Variants in GRID2 observed in about 807,000 individuals in gnomAD.
GRID2 encodes the protein glutamate receptor ionotropic, delta-2.
A neutral mutation model predicts 114.8 loss-of-function variants in GRID2; 33 were observed. The ratio of observed to expected loss-of-function variants is 0.29; its 90% CI spans 0.22 to 0.38. GRID2 has a LOEUF of 0.38. GRID2 is among the 10% of genes least tolerant of loss of function. The pLI, the probability that GRID2 is intolerant of heterozygous loss-of-function variation, is 1.00. For missense variants in GRID2, 1,184 were observed against 1,257.7 expected, an observed-to-expected ratio of 0.94 and a Z score of 0.89; for synonymous variants, 505 against 449.9, an observed-to-expected ratio of 1.12 and a Z score of -1.55.
rs10593127 is a variant in GRID2 at position 92,713,476 on chromosome 4, CATATATATATATATATATATATATAT to C, written c.244+123207_244+123232del. 3.0e-4 allele frequency among the ~76,000 whole-genome samples: 16 copies of C among 54,064 alleles called. No homozygotes were observed. In the South Asian group the frequency reaches 4.7e-3, roughly 16 times the overall value. 35.5% of individuals were successfully genotyped at this position (54,064 alleles called of 152,430 possible). ...TTACATATATTTACATATACATATACATATATATATATATATATATATATATATATATATATATATATTACCAAAAT... is the reference window on the plus strand; with the variant it reads ...TTACATATATTTACATATACATATACATATATATATATATATTACCAAAAT... On this transcript the variant is annotated intron_variant, in intron 2 of 15. Coordinates refer to ENST00000282020, the MANE Select transcript of GRID2 (RefSeq NM_001510.4).
chr4:93,564,081 C>CTA (rs1735177935), intron 13 of GRID2, among the ~76,000 whole-genome samples: 4 of 151,684 alleles, frequency 2.6e-5, no homozygotes, highest in Admixed American at 6.6e-5. Flanking sequence ...GAAACTTGGC[C>CTA]TCCTCAGTAC....
rs542646905 is a variant in GRID2, at chr4:93,310,794, G to T, written c.1245+72304G>T. ...TGGGGTCTGGGATCCAGGAGTTTAA[G>T]GTGGATTTTTCAAGGCAGACTTTTT... is the stretch of plus-strand genomic sequence containing the variant. On this transcript the variant is annotated intron_variant, in intron 8 of 15. Coordinates refer to ENST00000282020, the MANE Select transcript of GRID2 (RefSeq NM_001510.4). 1.6e-4 allele frequency among the ~76,000 whole-genome samples: 24 copies of T among 152,298 alleles called. No individual in the cohort carries two copies. In the South Asian group the frequency reaches 5.0e-3, roughly 32 times the overall value.
intron 1 of GRID2, among the ~76,000 whole-genome samples, chr4:92,400,487 A>G (rs113816861): frequency 0.021 from 3,179 of 152,088 alleles, 41 homozygotes; most frequent in South Asian, 0.044. Flanking sequence ...CCATACCACT[A>G]TTTGTTTATC....
chr4:92,493,970 GCAGA>G lies in GRID2; in HGVS notation c.89-96158_89-96155del, dbSNP rs1280970658. Among the ~76,000 whole-genome samples the G allele has an allele frequency of 9.2e-5, 14 of 152,176 alleles. No homozygotes were observed. In the South Asian group the frequency reaches 1.5e-3, roughly 16 times the overall value. On this transcript the variant is annotated intron_variant, in intron 1 of 15. Transcript: ENST00000282020. ...ATGATTTGAAGAAACAAAAAGAAAT[GCAGA>G]CAAAGACAATTAGTATTAGCTCCTT... is the stretch of plus-strand genomic sequence containing the variant.
intron 13 of GRID2, among the ~76,000 whole-genome samples, chr4:93,586,934 T>C (rs1737592695): frequency 6.6e-6 from 1 of 152,126 alleles, no homozygotes; most frequent in South Asian, 2.1e-4. Context: ...TACATTCAGG[T>C]TGTTAAAAAA....
chr4:93,772,322 T>C lies in GRID2; in HGVS notation c.2848T>C (p.Ser950Pro), dbSNP rs1176903991. The C allele has an allele frequency of 1.5e-5, 24 of 1,614,032 alleles. No homozygotes were observed. Among genetic ancestry groups the C allele is most frequent in the Non-Finnish European group, 2.0e-5 (24 of 1,180,028 alleles). Residue 950 changes from serine to proline, a missense_variant, in exon 16 of 16, where the codon TCT becomes CCT. Ser to Pro is a moderately conservative substitution (Grantham distance 74). Around this residue, in one of 3 missense-constraint regions of GRID2, gnomAD observed 717 missense variants for 796.9 expected, o/e 0.90. Transcript: ENST00000282020. ...LSRTLSAKAA[S>P]GFTFGNVPEH... ...CCGCACACTGTCAGCTAAAGCTGCT[T>C]CTGGTTTCACTTTTGGCAACGTGCC...
intron 1 of GRID2, among the ~76,000 whole-genome samples, chr4:92,483,529 C>A (rs1008362263): frequency 6.6e-6 from 1 of 151,994 alleles, no homozygotes; most frequent in Non-Finnish European, 1.5e-5. Flanking sequence ...ATAAAGCTCT[C>A]GTTACTGAAT....
chr4:93,592,786 G>A (rs1322436689), intron 13 of GRID2, among the ~76,000 whole-genome samples: 1 of 152,168 alleles, frequency 6.6e-6, no homozygotes, highest in Non-Finnish European at 1.5e-5. Flanking sequence ...TCTTCTTGTT[G>A]AATTGATGCC....
At chr4:92,905,447 A>G (rs1158494924) in intron 2 of GRID2, among the ~76,000 whole-genome samples, 2 of 151,568 alleles carry the variant, frequency 1.3e-5, no homozygotes, top group Non-Finnish European at 2.9e-5. Context: ...TACATTGTTT[A>G]AAAATTTACA....
intron 1 of GRID2, among the ~76,000 whole-genome samples, chr4:92,468,759 G>T (rs960408186): frequency 6.6e-6 from 1 of 152,050 alleles, no homozygotes; most frequent in East Asian, 1.9e-4. Context: ...AAGTTAGCAG[G>T]TATTCACTTA....
chr4:92,808,213 A>T (rs571332844), intron 2 of GRID2, among the ~76,000 whole-genome samples: 68 of 152,154 alleles, frequency 4.5e-4, no homozygotes, highest in African/African-American at 1.3e-3. Flanking sequence ...AGGAACACAC[A>T]GCAGAGTTGA....
chr4:93,011,612 G>T (rs1157999002), intron 2 of GRID2, among the ~76,000 whole-genome samples: 1 of 152,006 alleles, frequency 6.6e-6, no homozygotes, highest in East Asian at 1.9e-4. Context: ...TCAGGAAATG[G>T]GAAAAGAGAC....
At chr4:93,682,570 G>A (rs1405903006) in intron 14 of GRID2, among the ~76,000 whole-genome samples, 3 of 151,996 alleles carry the variant, frequency 2.0e-5, no homozygotes, top group African/African-American at 4.8e-5. Context: ...AGAAAATGTG[G>A]GACATATACA....
intron 2 of GRID2, among the ~76,000 whole-genome samples, chr4:92,999,254 T>C (rs1478135658): frequency 1.3e-5 from 2 of 151,896 alleles, no homozygotes; most frequent in African/African-American, 4.8e-5. Flanking sequence ...ACATTTGTAA[T>C]TGCACCATGT....
chr4:93,234,041 A>G (rs1265693934), intron 7 of GRID2, among the ~76,000 whole-genome samples: 1 of 152,130 alleles, frequency 6.6e-6, no homozygotes, highest in African/African-American at 2.4e-5. Flanking sequence ...TATCATTTAG[A>G]ATTTACAAAT....
At chr4:92,318,381 G>A (rs1287246943) in intron 1 of GRID2, among the ~76,000 whole-genome samples, 1 of 143,422 alleles carries the variant, frequency 7.0e-6, no homozygotes, top group African/African-American at 2.6e-5. Flanking sequence ...GACTGGTTCA[G>A]TTCACTTCCA....
At chr4:92,326,438 A>G (rs1018863654) in intron 1 of GRID2, among the ~76,000 whole-genome samples, 1 of 151,906 alleles carries the variant, frequency 6.6e-6, no homozygotes, top group African/African-American at 2.4e-5. Context: ...TGGTGCCACT[A>G]TCATGAATGT....
At chr4:93,533,627 T>C (rs1246952060) in intron 13 of GRID2, among the ~76,000 whole-genome samples, 1 of 147,876 alleles carries the variant, frequency 6.8e-6, no homozygotes, top group Admixed American at 6.9e-5. Flanking sequence ...TGACCTCAAG[T>C]GATCCACCCA....
At chr4:92,989,734 C>G (rs949313467) in intron 2 of GRID2, among the ~76,000 whole-genome samples, 1 of 152,096 alleles carries the variant, frequency 6.6e-6, no homozygotes, top group Admixed American at 6.6e-5. Context: ...ATAATATTAA[C>G]CTGTTAACAA....
Sources: allele counts gnomAD v4.1 joint callset (sites outside exome capture counted in the v4.1 genomes callset), GRCh38; gene constraint gnomAD v4.1.1; regional missense constraint gnomAD v4.1.1; transcripts MANE v1.5; gene names NCBI Gene and HGNC (gene_info 2026-07-23, HGNC 2026-07-21).